The following PCSK5 variants were observed in gnomAD, a reference collection of about 807,000 sequenced individuals.
PCSK5 encodes proprotein convertase subtilisin/kexin type 5, also known as prohormone convertase 5.
Under a neutral mutation model 233.2 loss-of-function variants are expected in PCSK5, and 129 were observed. The ratio of observed to expected loss-of-function variants is 0.55; its 90% CI spans 0.48 to 0.64. The LOEUF (loss-of-function observed/expected upper bound fraction) is 0.64, where lower values mean the gene tolerates loss of function less well. PCSK5 is among the 30% of genes least tolerant of loss of function. PCSK5 has a pLI of 0.00. For missense variants in PCSK5, 2,076 were observed against 2,430.1 expected, an observed-to-expected ratio of 0.85 and a Z score of 3.06; for synonymous variants, 825 against 879.2, an observed-to-expected ratio of 0.94 and a Z score of 1.09.
intron 1 of PCSK5, among the ~76,000 whole-genome samples, chr9:75,903,808 A>G (rs1473800090): frequency 6.6e-6 from 1 of 151,604 alleles, no homozygotes; most frequent in Admixed American, 6.6e-5. Context: ...TAGTCTGAAT[A>G]CAGAGCAGGG....
chr9:76,265,861 T>G (rs1048436748), intron 24 of PCSK5, among the ~76,000 whole-genome samples: 1 of 152,196 alleles, frequency 6.6e-6, no homozygotes, highest in Non-Finnish European at 1.5e-5. Context: ...AAATATTTTA[T>G]TCTTGCAAGT....
At chr9:75,908,937 CTCTGTCTA>C (rs1338545792) in intron 1 of PCSK5, among the ~76,000 whole-genome samples, 104 of 89,582 alleles carry the variant, frequency 1.2e-3, no homozygotes, top group South Asian at 4.5e-3. Flanking sequence ...CTATCTCTCT[CTCTGTCTA>C]TCTATCTATC....
chr9:76,056,726 T>G (rs961302699), intron 5 of PCSK5, among the ~76,000 whole-genome samples: 1 of 152,300 alleles, frequency 6.6e-6, no homozygotes, highest in Non-Finnish European at 1.5e-5. Context: ...TGTAACAAAT[T>G]GTTTCATGTT....
chr9:75,962,507 T>C (rs1825398079), intron 2 of PCSK5, among the ~76,000 whole-genome samples: 1 of 152,160 alleles, frequency 6.6e-6, no homozygotes, highest in Non-Finnish European at 1.5e-5. Context: ...GAATCAAAAC[T>C]GTTGCATTTT....
intron 20 of PCSK5, chr9:76,205,206 C>T (rs775136222): frequency 1.7e-5 from 9 of 518,878 alleles, no homozygotes; most frequent in South Asian, 1.4e-5. Flanking sequence ...TTAGCCCTCA[C>T]TGTCCCTTTC....
At chr9:76,163,499 T>C (rs1822958967) in intron 12 of PCSK5, among the ~76,000 whole-genome samples, 1 of 152,232 alleles carries the variant, frequency 6.6e-6, no homozygotes, top group South Asian at 2.1e-4. Context: ...CCGTGGATCA[T>C]TCAGTGGGTG....
In PCSK5 at chr9:76,359,104, AACTCAATTAACAGTTCCTGTTC is replaced by A; in HGVS notation, c.*184_*205del. On this transcript the variant is annotated 3_prime_UTR_variant, in exon 38 of 38. Transcript: ENST00000674117. ...ACTTTGTTCTTCTTTTGAGTGGCTAAACTCAATTAACAGTTCCTGTTCAACCGTAATTGAAGAGCAAGGATAA... is the reference window on the plus strand; with the variant it reads ...ACTTTGTTCTTCTTTTGAGTGGCTAAAACCGTAATTGAAGAGCAAGGATAA... The A allele has an allele frequency of 1.7e-6, 1 of 587,298 alleles. No individual in the cohort carries two copies. 36.4% of individuals were successfully genotyped at this position (587,298 alleles called of 1,614,324 possible). A position where few individuals can be genotyped will look rare whatever the true frequency, so the allele number is the denominator to read the frequency against.
rs61537466 is a variant in PCSK5 at position 75,928,596 on chromosome 9, CATATATATATATATAT to C, written c.193-3755_193-3740del. 3.4e-3 allele frequency among the ~76,000 whole-genome samples: 236 copies of C among 68,418 alleles called. 2 individuals carry two copies. The highest frequency in any genetic ancestry group is 4.0e-3 in the South Asian group (6 of 1,506). The allele number at this position is 68,418 out of a possible 152,430, so 44.9% of individuals were successfully genotyped here. On this transcript the variant is annotated intron_variant, in intron 1 of 37. Coordinates refer to ENST00000674117, the MANE Select transcript of PCSK5 (RefSeq NM_001372043.1). Reference sequence around the variant, plus strand: ...ATAAACATGCTTTTACATATAAATACATATATATATATATATATATATATATATATATATATATATA... The same window carrying C: ...ATAAACATGCTTTTACATATAAATACATATATATATATATATATATATATA...
chr9:76,322,787 C>T, intron 31 of PCSK5, among the ~76,000 whole-genome samples: 1 of 152,324 alleles, frequency 6.6e-6, no homozygotes, highest in East Asian at 1.9e-4. Flanking sequence ...TGCAGCATTG[C>T]AAATTTTTGC....
intron 2 of PCSK5, among the ~76,000 whole-genome samples, chr9:75,963,580 G>A (rs13302270): frequency 0.058 from 8,831 of 152,196 alleles, 298 homozygotes; most frequent in Middle Eastern, 0.11. Context: ...TTTACTTTTG[G>A]TTAAAAAATA....
chr9:76,257,261 T>C (rs1479239094), intron 24 of PCSK5, among the ~76,000 whole-genome samples: 1 of 152,036 alleles, frequency 6.6e-6, no homozygotes, highest in Non-Finnish European at 1.5e-5. Flanking sequence ...TGCTATTTCA[T>C]AGATGGTAGG....
In PCSK5 at chr9:76,342,170, A is replaced by C. The variant is rs564838655; in HGVS notation, c.4966+3723A>C. 3.3e-5 allele frequency among the ~76,000 whole-genome samples: 5 copies of C among 152,266 alleles called. No individual in the cohort carries two copies. The South Asian group carries it at 1.0e-3, about 32-fold the overall frequency. Reference sequence around the variant, plus strand: ...CTATAATTTCATTATGTTTAAAGTAAATGGGATGTCAGAACCTGAGCTTAT... The same window carrying C: ...CTATAATTTCATTATGTTTAAAGTACATGGGATGTCAGAACCTGAGCTTAT... On this transcript the variant is annotated intron_variant, in intron 35 of 37. Coordinates refer to ENST00000674117, the MANE Select transcript of PCSK5 (RefSeq NM_001372043.1).
intron 1 of PCSK5, among the ~76,000 whole-genome samples, chr9:75,902,808 A>G (rs1826098357): frequency 6.6e-6 from 1 of 152,200 alleles, no homozygotes; most frequent in Non-Finnish European, 1.5e-5. Flanking sequence ...TCTGTGTGCT[A>G]TTATTTGCAC....
At chr9:76,181,194 G>T (rs58785284) in intron 15 of PCSK5, among the ~76,000 whole-genome samples, 49 of 152,322 alleles carry the variant, frequency 3.2e-4, no homozygotes, top group African/African-American at 1.2e-3. Context: ...GGTAGATTTG[G>T]TGTTGGGTAA....
chr9:76,141,255 A>G (rs1244310195), intron 10 of PCSK5, among the ~76,000 whole-genome samples: 1 of 150,726 alleles, frequency 6.6e-6, no homozygotes, highest in Non-Finnish European at 1.5e-5. Context: ...TTAGCAAAGT[A>G]CACACACACA....
chr9:76,044,422 C>T (rs1306289366), intron 5 of PCSK5, among the ~76,000 whole-genome samples: 1 of 152,068 alleles, frequency 6.6e-6, no homozygotes, highest in Admixed American at 6.6e-5. Context: ...CTGTGCAGGA[C>T]GATCGTGAAA....
At chr9:76,043,572 C>T (rs939857963) in intron 5 of PCSK5, among the ~76,000 whole-genome samples, 2 of 151,918 alleles carry the variant, frequency 1.3e-5, no homozygotes, top group Non-Finnish European at 2.9e-5. Flanking sequence ...ACGTGCTGGC[C>T]TTGCTTATAG....
intron 31 of PCSK5, 87 bp downstream of exon 31, chr9:76,321,726 G>A: frequency 1.3e-6 from 1 of 765,660 alleles, no homozygotes; most frequent in Non-Finnish European, 2.2e-6. Context: ...GCAAAGAGCT[G>A]TGGGAACCAG....
At position 76,360,589 on chromosome 9, in the gene PCSK5, TGAA is replaced by T. The variant is rs775109703; in HGVS notation, c.*1672_*1674del. ...GTATCACTGACACAGAAAATCTTTA[TGAA>T]GAAGTCTTCAGTTTACTAAAGGCTT... On this transcript the variant is annotated 3_prime_UTR_variant, in exon 38 of 38. Transcript: ENST00000674117. 10 of 152,234 alleles carry T rather than the reference TGAA, an allele frequency of 6.6e-5. No homozygotes were observed. Among genetic ancestry groups the T allele is most frequent in the Non-Finnish European group, 1.3e-4 (9 of 68,032 alleles). 9.4% of individuals were successfully genotyped at this position (152,234 alleles called of 1,614,324 possible).
Sources: gnomAD v4.1 joint callset for allele counts (sites outside exome capture counted in the v4.1 genomes callset) on GRCh38, gnomAD v4.1.1 for gene constraint, MANE v1.5 for transcripts, NCBI Gene and HGNC (gene_info 2026-07-23, HGNC 2026-07-21) for gene names.